Variants in BCKDHB observed in about 807,000 individuals in gnomAD.
BCKDHB encodes branched chain keto acid dehydrogenase E1 subunit beta, also known as 2-oxoisovalerate dehydrogenase subunit beta, mitochondrial.
Under a neutral mutation model 48.5 loss-of-function variants are expected in BCKDHB, and 41 were observed. That is an observed-to-expected ratio of 0.85 (90% CI 0.66 to 1.10). The LOEUF is 1.10. BCKDHB is among the 50% of genes least tolerant of loss of function. BCKDHB has a pLI of 0.00. For synonymous variants in BCKDHB, 201 were observed against 174.8 expected (o/e 1.15, Z -1.18); for missense variants, 496 against 494.2 (o/e 1.00, Z -0.03).
At chr6:80,220,807 T>C (rs1775411984) in intron 8 of BCKDHB, among the ~76,000 whole-genome samples, 1 of 148,392 alleles carries the variant, frequency 6.7e-6, no homozygotes, top group African/African-American at 2.5e-5. Flanking sequence ...AAATCTCTAC[T>C]CACTGCAATC....
intron 1 of BCKDHB, among the ~76,000 whole-genome samples, chr6:80,116,023 C>T (rs762581291): frequency 3.3e-5 from 5 of 152,188 alleles, no homozygotes; most frequent in Non-Finnish European, 4.4e-5. Flanking sequence ...CAAGTAGTCC[C>T]TAATTTTCTG....
At chr6:80,272,942 A>T (rs1219016880) in intron 8 of BCKDHB, among the ~76,000 whole-genome samples, 193 bp from the exon 9 acceptor site, 1 of 152,132 alleles carries the variant, frequency 6.6e-6, no homozygotes, top group Non-Finnish European at 1.5e-5. Context: ...TATTGAAAAA[A>T]ATTTTACAGT....
intron 9 of BCKDHB, among the ~76,000 whole-genome samples, chr6:80,300,794 A>G (rs1767539729): frequency 6.6e-6 from 1 of 152,198 alleles, no homozygotes; most frequent in Non-Finnish European, 1.5e-5. Context: ...AACAAATGAA[A>G]TCATACCAAG....
At chr6:80,430,022 A>C in the BCKDHB span, among the ~76,000 whole-genome samples, 1 of 152,174 alleles carries the variant, frequency 6.6e-6, no homozygotes, top group African/African-American at 2.4e-5. Context: ...AGCTCTTACT[A>C]TTTTGAGATA....
chr6:80,220,186 T>C (rs1009669068), intron 8 of BCKDHB, among the ~76,000 whole-genome samples: 1 of 151,984 alleles, frequency 6.6e-6, no homozygotes, highest in South Asian at 2.1e-4. Flanking sequence ...TGTCCTGTTG[T>C]GTTTTTACAG....
chr6:80,374,226 T>G, the BCKDHB span: 1 of 740,328 alleles, frequency 1.4e-6, no homozygotes. Flanking sequence ...TTGGATATGC[T>G]CAATGGCCAG....
At chr6:80,380,403 A>G in the BCKDHB span, among the ~76,000 whole-genome samples, 1 of 152,010 alleles carries the variant, frequency 6.6e-6, no homozygotes, top group African/African-American at 2.4e-5. Flanking sequence ...ATAAAGCTGG[A>G]TCCCTCTCTC....
the BCKDHB span, among the ~76,000 whole-genome samples, chr6:80,399,118 G>C: frequency 1.3e-5 from 2 of 151,824 alleles, no homozygotes; most frequent in Admixed American, 6.6e-5. Flanking sequence ...AAATAATAAG[G>C]GCCATCTATG....
rs1582341401 is a variant in BCKDHB, at chr6:80,200,840, A to G, written c.743-94A>G. 2.0e-6 allele frequency: 2 copies of G among 1,001,550 alleles called. 1 individual carries two copies. The highest frequency in any genetic ancestry group is 2.8e-5 in the South Asian group (2 of 71,406). 62.0% of individuals were successfully genotyped at this position (1,001,550 alleles called of 1,614,324 possible). Reference sequence around the variant, plus strand: ...AATTTAGAGAAACAAAAAATAAAATAAAGCTTTGCTACAGTGAGCTTCTTA... The same window carrying G: ...AATTTAGAGAAACAAAAAATAAAATGAAGCTTTGCTACAGTGAGCTTCTTA... On this transcript the variant is annotated intron_variant, in intron 6 of 9. Coordinates refer to ENST00000320393, the MANE Select transcript of BCKDHB (RefSeq NM_183050.4).
the BCKDHB span, among the ~76,000 whole-genome samples, chr6:80,442,623 G>A: frequency 6.6e-6 from 1 of 152,140 alleles, no homozygotes; most frequent in Non-Finnish European, 1.5e-5. Flanking sequence ...GCATTTGAGA[G>A]TGAGAGGATA....
intron 6 of BCKDHB, among the ~76,000 whole-genome samples, chr6:80,189,094 A>G (rs1217588662): frequency 1.3e-5 from 2 of 152,242 alleles, no homozygotes; most frequent in Admixed American, 6.5e-5. Context: ...GAATGTGTGC[A>G]AAGTCAAATA....
the BCKDHB span, chr6:80,454,142 G>A: frequency 6.6e-6 from 1 of 152,178 alleles, no homozygotes; most frequent in African/African-American, 2.4e-5. Flanking sequence ...GATGCAGAGG[G>A]AGTCCCAGAG....
In BCKDHB at chr6:80,303,261, C is replaced by G. The variant is rs938113550; in HGVS notation, c.1038+30040C>G. On this transcript the variant is annotated intron_variant, in intron 9 of 9. Transcript: ENST00000320393. ...TTGCATAATCTTATGTCAGTATCCA[C>G]TGGCATCGAGGTGGAGCCACTCTAA... is the stretch of plus-strand genomic sequence containing the variant. Among the ~76,000 whole-genome samples the G allele has an allele frequency of 2.0e-5, 3 of 152,040 alleles. No homozygotes were observed. The South Asian group carries it at 6.2e-4, about 32-fold the overall frequency.
intron 8 of BCKDHB, among the ~76,000 whole-genome samples, chr6:80,209,372 G>T (rs1230400943): frequency 1.8e-4 from 28 of 152,010 alleles, no homozygotes; most frequent in African/African-American, 6.0e-4. Context: ...TGGATTGTAA[G>T]GCCAAGAAGA....
intron 8 of BCKDHB, among the ~76,000 whole-genome samples, chr6:80,215,738 A>T (rs1471674480): frequency 6.6e-6 from 1 of 152,026 alleles, no homozygotes; most frequent in Admixed American, 6.6e-5. Context: ...ACCTAATGTT[A>T]TATATATATA....
chr6:80,350,274 G>A (rs757314308), downstream of BCKDHB, among the ~76,000 whole-genome samples: 9 of 152,094 alleles, frequency 5.9e-5, no homozygotes, highest in Non-Finnish European at 1.0e-4. Context: ...GAAGAAAACC[G>A]AAGATATAAG....
intron 1 of BCKDHB, among the ~76,000 whole-genome samples, chr6:80,107,766 G>A (rs990097286): frequency 6.6e-6 from 1 of 151,880 alleles, no homozygotes; most frequent in African/African-American, 2.4e-5. Flanking sequence ...AGAGGAGGAA[G>A]CCATAGGAAG....
At chr6:80,118,599 G>C (rs759108233) in intron 1 of BCKDHB, among the ~76,000 whole-genome samples, 26 of 151,774 alleles carry the variant, frequency 1.7e-4, no homozygotes, top group Admixed American at 1.4e-3. Flanking sequence ...TCTGTAGCAT[G>C]AGATGCCGTT....
At chr6:80,171,217 C>A in intron 5 of BCKDHB, 65 bp from the exon 6 acceptor site, 2 of 904,590 alleles carry the variant, frequency 2.2e-6, no homozygotes, top group Non-Finnish European at 3.6e-6. Context: ...ATCAGCCCTT[C>A]TTAGCAGCGA....
Sources: gnomAD v4.1 joint callset for allele counts (sites outside exome capture counted in the v4.1 genomes callset) on GRCh38, gnomAD v4.1.1 for gene constraint, MANE v1.5 for transcripts, NCBI Gene and HGNC (gene_info 2026-07-23, HGNC 2026-07-21) for gene names.